The following LGALS3 variants were observed in gnomAD, a reference collection of about 807,000 sequenced individuals.
The protein encoded by LGALS3 is galectin-3.
A neutral mutation model predicts 20.7 loss-of-function variants in LGALS3; 18 were observed. The observed-to-expected ratio is 0.87, with a 90% CI of 0.60 to 1.29. The LOEUF (loss-of-function observed/expected upper bound fraction) is 1.29, where lower values mean the gene tolerates loss of function less well. Among genes scored for constraint, LGALS3 ranks in the 50% most tolerant of loss-of-function variants. The probability of loss-of-function intolerance (pLI) is 0.00; values close to 1 mark genes in which losing one functional copy is unlikely to be tolerated. For missense variants in LGALS3, 315 were observed against 314.7 expected, an observed-to-expected ratio of 1.00 and a Z score of -0.01; for synonymous variants, 112 against 119.6, an observed-to-expected ratio of 0.94 and a Z score of 0.42.
At chr14:55,130,604 G>T (rs1234592651) in intron 1 of LGALS3, among the ~76,000 whole-genome samples, 3 of 149,008 alleles carry the variant, frequency 2.0e-5, no homozygotes, top group African/African-American at 7.4e-5. Flanking sequence ...TTGTTGCCCA[G>T]GCTGGAGTGC....
In LGALS3 at chr14:55,137,368, A is replaced by G; in HGVS notation, c.-4-2A>G. 1 of 1,613,790 alleles carries G rather than the reference A, an allele frequency of 6.2e-7. No homozygotes were observed. The highest frequency in any genetic ancestry group is 8.5e-7 in the Non-Finnish European group (1 of 1,179,626). On this transcript the variant is annotated splice_acceptor_variant, in intron 1 of 5. Coordinates refer to ENST00000254301, the MANE Select transcript of LGALS3 (RefSeq NM_002306.4). LOFTEE classifies it low-confidence loss of function (5UTR_SPLICE). ...TAAAATGATAATCTTTGTTTCTTTCAGGAAAATGGCAGACAATTTTTCGGT... is the reference window on the plus strand; with the variant it reads ...TAAAATGATAATCTTTGTTTCTTTCGGGAAAATGGCAGACAATTTTTCGGT...
chr14:55,140,179 TCA>T, intron 3 of LGALS3, 94 bp from the exon 4 acceptor site: 1 of 780,236 alleles, frequency 1.3e-6, no homozygotes, highest in Non-Finnish European at 2.2e-6. Flanking sequence ...TATGTGTTTT[TCA>T]CACATATTAA....
intron 1 of LGALS3, among the ~76,000 whole-genome samples, chr14:55,135,504 C>A (rs1041127094): frequency 1.9e-4 from 29 of 151,564 alleles, no homozygotes; most frequent in African/African-American, 6.8e-4. Context: ...ATATGTTAAG[C>A]CCTAGGAGGA....
chr14:55,130,798 C>G (rs568953280), intron 1 of LGALS3, among the ~76,000 whole-genome samples: 1 of 151,706 alleles, frequency 6.6e-6, no homozygotes, highest in African/African-American at 2.4e-5. Context: ...GGTCTCGAAC[C>G]CCCGACCTCA....
At chr14:55,141,466 G>A (rs1881620927) in intron 4 of LGALS3, among the ~76,000 whole-genome samples, 2 of 152,026 alleles carry the variant, frequency 1.3e-5, no homozygotes, top group African/African-American at 4.8e-5. Context: ...AACCCCTAAC[G>A]CACACTGAAT....
chr14:55,138,398 TG>T (rs778317567), intron 3 of LGALS3, 30 bp downstream of exon 3: 1 of 1,609,750 alleles, frequency 6.2e-7, no homozygotes, highest in South Asian at 1.1e-5. Context: ...TTCATGTACT[TG>T]ACATGCAGAG....
At chr14:55,136,474 C>A (rs1881397382) in intron 1 of LGALS3, among the ~76,000 whole-genome samples, 1 of 152,110 alleles carries the variant, frequency 6.6e-6, no homozygotes, top group African/African-American at 2.4e-5. Flanking sequence ...TCCATGGATG[C>A]ATCTCATCTG....
chr14:55,138,218 T>C lies in LGALS3; in HGVS notation c.192T>C (p.Pro64=), dbSNP rs1396080565. The change falls in exon 3 of 6, where the codon CCT becomes CCC. Residue 64 remains proline, a synonymous_variant. Transcript: ENST00000254301. ...YPGQAPPGAY[P]GAPGAYPGAP... is the part of the protein sequence containing the mutation. ...GACAGGCACCTCCAGGCGCCTACCC[T>C]GGAGCACCTGGAGCTTATCCCGGAG... 1.2e-6 allele frequency: 2 copies of C among 1,612,616 alleles called. No homozygotes were observed. Among genetic ancestry groups the C allele is most frequent in the Non-Finnish European group, 1.7e-6 (2 of 1,179,384 alleles).
chr14:55,129,431 C>T lies in LGALS3; in HGVS notation c.-5+131C>T, dbSNP rs1406515941. 2.0e-5 allele frequency: 3 copies of T among 152,252 alleles called. No homozygotes were observed. Among genetic ancestry groups the T allele is most frequent in the Non-Finnish European group, 4.4e-5 (3 of 68,156 alleles). 9.4% of individuals were successfully genotyped at this position (152,252 alleles called of 1,614,324 possible). On this transcript the variant is annotated intron_variant, in intron 1 of 5. Transcript: ENST00000254301. This position sits in a 1 kb window ranked among gnomAD's most constrained non-coding sequence, Gnocchi z 5.3. ...GGGCCGGGGCGCGCGCGGAGAGCCC[C>T]ACAGCCTGTGCTCTGCCCTCCAGGA...
chr14:55,144,786 G>A (rs1003990676), intron 5 of LGALS3, among the ~76,000 whole-genome samples: 3 of 150,088 alleles, frequency 2.0e-5, no homozygotes, highest in South Asian at 2.1e-4. Flanking sequence ...GGATGGTCTC[G>A]ATCTCCTGAC....
At chr14:55,144,864 T>G (rs1042508496) in intron 5 of LGALS3, among the ~76,000 whole-genome samples, 2 of 152,332 alleles carry the variant, frequency 1.3e-5, no homozygotes, top group Admixed American at 6.5e-5. Flanking sequence ...CCGCCCAGCA[T>G]AACTTGGCAT....
Position 55,145,273 on chromosome 14 carries a change from C to G in LGALS3, c.*2C>G. The G allele has an allele frequency of 1.9e-6, 3 of 1,610,516 alleles. No homozygotes were observed. Among genetic ancestry groups the G allele is most frequent in the Non-Finnish European group, 2.5e-6 (3 of 1,178,752 alleles). ...AGTGCTTCATATACCATGATATAAT[C>G]TGAAAGGGGCAGATTAAAAAAAAAA... On this transcript the variant is annotated 3_prime_UTR_variant, in exon 6 of 6. Transcript: ENST00000254301.
intron 2 of LGALS3, 127 bp from the exon 3 acceptor site, chr14:55,137,918 T>A: frequency 1.5e-6 from 2 of 1,345,076 alleles, no homozygotes; most frequent in Non-Finnish European, 1.9e-6. Flanking sequence ...TGGAAAAAGT[T>A]TAATGATATG....
Position 55,137,352 on chromosome 14 carries a change from A to C in LGALS3, c.-4-18A>C. ...GTGAAAGCTTTTAGGATAAAATGATAATCTTTGTTTCTTTCAGGAAAATGG... is the reference window on the plus strand; with the variant it reads ...GTGAAAGCTTTTAGGATAAAATGATCATCTTTGTTTCTTTCAGGAAAATGG... On this transcript the variant is annotated intron_variant, in intron 1 of 5. Coordinates refer to ENST00000254301, the MANE Select transcript of LGALS3 (RefSeq NM_002306.4). 6.2e-7 allele frequency: 1 copy of C among 1,611,346 alleles called. No individual in the cohort carries two copies. Among genetic ancestry groups the C allele is most frequent in the Non-Finnish European group, 8.5e-7 (1 of 1,177,398 alleles).
chr14:55,137,556 C>T, intron 2 of LGALS3, 165 bp downstream of exon 2: 1 of 1,546,624 alleles, frequency 6.5e-7, no homozygotes, highest in Non-Finnish European at 8.7e-7. Context: ...GTTTTTCCAG[C>T]AGCAGATTTG....
At position 55,138,353 on chromosome 14, in the gene LGALS3, C is replaced by A. The variant is rs528696984; in HGVS notation, c.327C>A (p.Ala109=). The A allele has an allele frequency of 1.2e-6, 2 of 1,612,866 alleles. No homozygotes were observed. The highest frequency in any genetic ancestry group is 2.2e-5 in the East Asian group (1 of 44,882). ...ACCCTGCCACTGGCCCCTATGGCGC[C>A]CCTGCTGGGCCACTGGTGAGATGGC... ...GAYPATGPYG[A]PAGPLIVPYN... The change falls in exon 3 of 6, where the codon GCC becomes GCA. Residue 109 remains alanine (A), a synonymous_variant. Transcript: ENST00000254301.
Position 55,138,192 on chromosome 14 carries a change from G to A in LGALS3, c.166G>A (p.Gly56Arg). 1 of 1,612,746 alleles carries A rather than the reference G, an allele frequency of 6.2e-7. No homozygotes were observed. The highest frequency in any genetic ancestry group is 8.5e-7 in the Non-Finnish European group (1 of 1,179,308). Residue 56 changes from glycine to arginine, a missense_variant, in exon 3 of 6, where the codon GGA (glycine) becomes AGA (arginine). By Grantham distance (125) the Gly-to-Arg change is moderately radical. Coordinates refer to ENST00000254301, the MANE Select transcript of LGALS3 (RefSeq NM_002306.4). Reference sequence around the variant, plus strand: ...GCAGGCACCCCCAGGGGCTTATCCTGGACAGGCACCTCCAGGCGCCTACCC... The same window carrying A: ...GCAGGCACCCCCAGGGGCTTATCCTAGACAGGCACCTCCAGGCGCCTACCC... Reference protein sequence around the residue: ...PGQAPPGAYPGQAPPGAYPGA... With the variant: ...PGQAPPGAYPRQAPPGAYPGA...
At chr14:55,142,839 T>TA (rs1414745809) in intron 5 of LGALS3, 90 bp downstream of exon 5, 4 of 1,035,638 alleles carry the variant, frequency 3.9e-6, no homozygotes, top group African/African-American at 1.6e-5. Context: ...TGAGAGTTTT[T>TA]ATCACCTCTC....
chr14:55,130,204 G>C (rs1881185047), intron 1 of LGALS3, among the ~76,000 whole-genome samples: 1 of 152,172 alleles, frequency 6.6e-6, no homozygotes, highest in Non-Finnish European at 1.5e-5. Context: ...TGAATTATCG[G>C]GTGCTCAAAT....
Sources: gnomAD v4.1 joint callset for allele counts (sites outside exome capture counted in the v4.1 genomes callset) on GRCh38, gnomAD v4.1.1 for gene constraint, Gnocchi (gnomAD v3.1) non-coding constraint, MANE v1.5 for transcripts, NCBI Gene and HGNC (gene_info 2026-07-23, HGNC 2026-07-21) for gene names.